Variants in SI observed in about 807,000 individuals in gnomAD.
The protein encoded by SI is sucrase-isomaltase, also known as sucrase-isomaltase, intestinal.
Under a neutral mutation model 253.3 loss-of-function variants are expected in SI, and 235 were observed. The ratio of observed to expected loss-of-function variants is 0.93; its 90% CI spans 0.83 to 1.03. The LOEUF (loss-of-function observed/expected upper bound fraction) is 1.03. Among genes scored for constraint, SI ranks in the 50% least tolerant of loss-of-function variants. The pLI is 0.00. For synonymous variants in SI, 819 were observed against 712.0 expected (o/e 1.15, Z -2.39); for missense variants, 2,442 against 2,211.1 (o/e 1.10, Z -2.09).
At chr3:165,063,833 A>C (rs1011372639) in intron 7 of SI, among the ~76,000 whole-genome samples, 1 of 150,808 alleles carries the variant, frequency 6.6e-6, no homozygotes, top group Non-Finnish European at 1.5e-5. Context: ...TTAATAACTT[A>C]TGCCCAGGTG....
intron 26 of SI, among the ~76,000 whole-genome samples, chr3:165,022,958 C>T (rs1711706403): frequency 6.6e-6 from 1 of 151,440 alleles, no homozygotes; most frequent in South Asian, 2.1e-4. Context: ...CCACTTAGTC[C>T]TATAATTTTT....
At chr3:164,988,752 A>G (rs529929095) in intron 44 of SI, among the ~76,000 whole-genome samples, 1 of 152,320 alleles carries the variant, frequency 6.6e-6, no homozygotes, top group African/African-American at 2.4e-5. Context: ...GAATTTTGCA[A>G]TGGAAATAAA....
At chr3:165,055,464 C>G (rs1471099290) in intron 12 of SI, among the ~76,000 whole-genome samples, 157 bp from the exon 13 acceptor site, 2 of 151,600 alleles carry the variant, frequency 1.3e-5, no homozygotes, top group Non-Finnish European at 2.9e-5. Flanking sequence ...AATATCATGA[C>G]TTTAAAATGC....
chr3:165,042,635 T>G (rs947567479), intron 17 of SI, among the ~76,000 whole-genome samples: 1 of 152,108 alleles, frequency 6.6e-6, no homozygotes, highest in African/African-American at 2.4e-5. Context: ...TGACTATCTT[T>G]AAATTCTTGT....
intron 3 of SI, among the ~76,000 whole-genome samples, chr3:165,072,274 G>A (rs535915091): frequency 7.2e-5 from 11 of 151,864 alleles, no homozygotes; most frequent in Non-Finnish European, 1.3e-4. Context: ...ATATTTAAAA[G>A]AGTAAGTGTA....
chr3:164,987,206 A>C lies in SI; in HGVS notation c.5129T>G (p.Leu1710Arg), dbSNP rs1306619522. 1 of 1,613,568 alleles carries C rather than the reference A, an allele frequency of 6.2e-7. No individual in the cohort carries two copies. The highest frequency in any genetic ancestry group is 2.2e-5 in the East Asian group (1 of 44,796). ...TFYSRQKHMK[L>R]IVAADDNQMA... ...CTGATTATCATCTGCAGCAACAATGAGCTTCATGTGTTTTTGTCGACTATA... is the reference window on the plus strand; with the variant it reads ...CTGATTATCATCTGCAGCAACAATGCGCTTCATGTGTTTTTGTCGACTATA... Residue 1710 changes from leucine (L) to arginine (R), a missense_variant, in exon 45 of 48, where the codon CTC becomes CGC. Physicochemically the swap from Leu to Arg is moderately radical, Grantham distance 102. Transcript: ENST00000264382.
Position 165,060,034 on chromosome 3 carries a change from G to A in SI, c.1021-7C>T, listed in dbSNP as rs1308477012. On this transcript the variant is annotated splice_region_variant and splice_polypyrimidine_tract_variant and intron_variant, in intron 9 of 47. Coordinates refer to ENST00000264382, the MANE Select transcript of SI (RefSeq NM_001041.4). The stretch of plus-strand genomic sequence containing the variant: ...TTGCTGGTAGTCCAACAAGCTTAAA[G>A]TAAATGAGCATGTAATTAGTTTGAA... The A allele has an allele frequency of 6.2e-7, 1 of 1,609,484 alleles. No homozygotes were observed. The highest frequency in any genetic ancestry group is 8.5e-7 in the Non-Finnish European group (1 of 1,176,896).
At chr3:164,980,668 T>G (rs2108105421) in intron 47 of SI, among the ~76,000 whole-genome samples, 1 of 152,150 alleles carries the variant, frequency 6.6e-6, no homozygotes, top group African/African-American at 2.4e-5. Flanking sequence ...GTCAAATATT[T>G]GTTCTCAACA....
At position 165,030,758 on chromosome 3, in the gene SI, A is replaced by C; in HGVS notation, c.2846T>G (p.Leu949Trp). 1 of 1,609,290 alleles carries C rather than the reference A, an allele frequency of 6.2e-7. No homozygotes were observed. The highest frequency in any genetic ancestry group is 8.5e-7 in the Non-Finnish European group (1 of 1,176,974). Residue 949 changes from leucine (L) to tryptophan (W), a missense_variant, in exon 25 of 48, where the codon TTG becomes TGG. By Grantham distance (61) the Leu-to-Trp change is moderately conservative. Transcript: ENST00000264382. Reference protein sequence around the residue: ...ERFNCYPDADLATEQKCTQRG... With the variant: ...ERFNCYPDADWATEQKCTQRG... Reference sequence around the variant, plus strand: ...TTGTGTGCACTTTTGTTCAGTTGCCAAATCTGCATCTGGATAACAATTAAA... The same window carrying C: ...TTGTGTGCACTTTTGTTCAGTTGCCCAATCTGCATCTGGATAACAATTAAA...
chr3:165,036,621 T>C (rs1712546327), intron 21 of SI, 144 bp from the exon 22 acceptor site: 4 of 582,674 alleles, frequency 6.9e-6, no homozygotes, highest in Non-Finnish European at 6.1e-6. Flanking sequence ...TGTATTTATA[T>C]GTATTAATAA....
intron 44 of SI, among the ~76,000 whole-genome samples, chr3:164,989,396 G>GAA (rs1402579578): frequency 3.8e-5 from 5 of 132,574 alleles, no homozygotes; most frequent in Admixed American, 7.7e-5. Context: ...AAGGAAGAAA[G>GAA]AAAGAAAGAA....
rs1219605037 is a variant in SI at position 165,039,908 on chromosome 3, A to G, written c.2223T>C (p.Leu741=). The G allele has an allele frequency of 1.2e-6, 2 of 1,612,910 alleles. No individual in the cohort carries two copies. Among genetic ancestry groups the G allele is most frequent in the South Asian group, 2.2e-5 (2 of 91,060 alleles). ...CTACCTGTTTTAGAACAGGAGTAATAAGTAATGCAGGGCCCCACAAAAACT... is the reference window on the plus strand; with the variant it reads ...CTACCTGTTTTAGAACAGGAGTAATGAGTAATGCAGGGCCCCACAAAAACT... ...DTEFLWGPAL[L]ITPVLKQGAD... Residue 741 remains leucine (L), a synonymous_variant, in exon 19 of 48, where the codon CTT becomes CTC. Coordinates refer to ENST00000264382, the MANE Select transcript of SI (RefSeq NM_001041.4).
intron 15 of SI, among the ~76,000 whole-genome samples, chr3:165,048,287 CAT>C (rs1394665718): frequency 6.6e-6 from 1 of 151,692 alleles, no homozygotes; most frequent in Non-Finnish European, 1.5e-5. Flanking sequence ...AGATAATGAA[CAT>C]ATGATTGTTT....
At chr3:165,080,937 A>T (rs1408594209), upstream of SI, among the ~76,000 whole-genome samples, 1 of 151,960 alleles carries the variant, frequency 6.6e-6, no homozygotes, top group Non-Finnish European at 1.5e-5. Flanking sequence ...GACAGAAAAA[A>T]AAAACTTTGT....
Position 165,046,168 on chromosome 3 carries a change from G to A in SI, c.1887+673C>T, listed in dbSNP as rs375076766. 1.4e-3 allele frequency among the ~76,000 whole-genome samples: 217 copies of A among 152,052 alleles called. 1 individual carries two copies. Among genetic ancestry groups the A allele is most frequent in the African/African-American group, 5.0e-3 (209 of 41,490 alleles). ...TTCAAACACAAGATTGTGTGTGGGG[G>A]TGTTACTTTTATTGATCGGGTTTTT... On this transcript the variant is annotated intron_variant, in intron 16 of 47. Transcript: ENST00000264382.
At chr3:165,026,090 T>C (rs1171458622) in intron 25 of SI, among the ~76,000 whole-genome samples, 1 of 151,082 alleles carries the variant, frequency 6.6e-6, no homozygotes, top group African/African-American at 2.4e-5. Context: ...TCCAAGAGAC[T>C]CACCTAACAC....
chr3:165,029,169 A>T (rs976921088), intron 25 of SI, among the ~76,000 whole-genome samples: 1 of 151,508 alleles, frequency 6.6e-6, no homozygotes, highest in African/African-American at 2.4e-5. Flanking sequence ...GCCAACAAAC[A>T]TATGAAAAAA....
At chr3:164,998,500 A>G in intron 38 of SI, 40 bp downstream of exon 38, 1 of 1,607,154 alleles carries the variant, frequency 6.2e-7, no homozygotes, top group Middle Eastern at 1.7e-4. Flanking sequence ...TATCTAATAG[A>G]AAACACAAAA....
At position 165,058,951 on chromosome 3, in the gene SI, A is replaced by T; in HGVS notation, c.1398+12T>A. The stretch of plus-strand genomic sequence containing the variant: ...TTTGAGCAACATAGTTTTAATAAAT[A>T]TCATATTTTACCTCTCCAATAATTG... On this transcript the variant is annotated intron_variant, in intron 12 of 47. Transcript: ENST00000264382. The T allele has an allele frequency of 1.2e-6, 2 of 1,608,098 alleles. No individual in the cohort carries two copies. Among genetic ancestry groups the T allele is most frequent in the Non-Finnish European group, 1.7e-6 (2 of 1,175,554 alleles).
Sources: gnomAD v4.1 joint callset for allele counts (sites outside exome capture counted in the v4.1 genomes callset) on GRCh38, gnomAD v4.1.1 for gene constraint, MANE v1.5 for transcripts, NCBI Gene and HGNC (gene_info 2026-07-23, HGNC 2026-07-21) for gene names.